The following ASB4 variants were observed in gnomAD, a reference collection of about 807,000 sequenced individuals.
ASB4 encodes the protein ankyrin repeat and SOCS box protein 4.
Under a neutral mutation model 38.6 loss-of-function variants are expected in ASB4, and 35 were observed. That is an observed-to-expected ratio of 0.91 (90% CI 0.69 to 1.20). ASB4 has a LOEUF of 1.20. Ranked by LOEUF, ASB4 falls within the 50% of genes most tolerant of loss-of-function variation. The pLI, the probability that ASB4 is intolerant of heterozygous loss-of-function variation, is 0.00. For synonymous variants in ASB4, 195 were observed against 201.3 expected, an observed-to-expected ratio of 0.97 and a Z score of 0.26; for missense variants, 557 against 527.2, an observed-to-expected ratio of 1.06 and a Z score of -0.55.
intron 2 of ASB4, among the ~76,000 whole-genome samples, chr7:95,524,917 GA>G (rs1197498243): frequency 6.6e-6 from 1 of 152,212 alleles, no homozygotes; most frequent in Non-Finnish European, 1.5e-5. Context: ...CAGTCTGTAA[GA>G]TGGGGGCCTG....
chr7:95,521,024 T>A (rs1293764598), intron 2 of ASB4, among the ~76,000 whole-genome samples: 1 of 152,164 alleles, frequency 6.6e-6, no homozygotes, highest in Non-Finnish European at 1.5e-5. Flanking sequence ...TGGGGAAAAA[T>A]GTTTGAATTG....
At chr7:95,473,886 G>A (rs1585787636), upstream of ASB4, 1 of 152,254 alleles carries the variant, frequency 6.6e-6, no homozygotes, top group East Asian at 1.9e-4. Context: ...CTCACTGGCT[G>A]TGGAGTTAGG....
At chr7:95,528,839 C>A (rs917836547) in intron 3 of ASB4, 3 of 392,618 alleles carry the variant, frequency 7.6e-6, no homozygotes, top group Non-Finnish European at 1.0e-5. Context: ...AACAATCATA[C>A]GAGGTATATA....
chr7:95,501,023 C>A (rs1790328976), intron 2 of ASB4, among the ~76,000 whole-genome samples: 1 of 152,050 alleles, frequency 6.6e-6, no homozygotes, highest in South Asian at 2.1e-4. Flanking sequence ...TAGTTTTTAT[C>A]TTTATTGATT....
intron 4 of ASB4, among the ~76,000 whole-genome samples, chr7:95,537,109 G>A (rs1311958170): frequency 2.6e-5 from 4 of 152,192 alleles, no homozygotes; most frequent in Non-Finnish European, 4.4e-5. Context: ...CACATGGAGA[G>A]GTATCAGGCA....
chr7:95,546,452 A>G, the ASB4 span, among the ~76,000 whole-genome samples: 1 of 152,004 alleles, frequency 6.6e-6, no homozygotes, highest in Non-Finnish European at 1.5e-5. Flanking sequence ...AGCAAGGTTG[A>G]CTCATTGAAC....
intron 2 of ASB4, among the ~76,000 whole-genome samples, chr7:95,515,646 C>G (rs944695797): frequency 1.3e-5 from 2 of 152,146 alleles, no homozygotes; most frequent in Admixed American, 1.3e-4. Flanking sequence ...AATCTCTTGA[C>G]CTTGTGATCC....
intron 2 of ASB4, 22 bp from the exon 3 acceptor site, chr7:95,527,791 C>T (rs777282234): frequency 9.5e-5 from 149 of 1,569,056 alleles, no homozygotes; most frequent in Non-Finnish European, 1.2e-4. Context: ...AAATAATTGT[C>T]TTCCTCAATT....
chr7:95,494,658 G>A (rs1343331362), intron 1 of ASB4, among the ~76,000 whole-genome samples: 6 of 151,846 alleles, frequency 4.0e-5, no homozygotes, highest in South Asian at 4.1e-4. Context: ...CCTATTTTCC[G>A]TTCTCCATTC....
chr7:95,527,156 G>C (rs1790747992), intron 2 of ASB4, among the ~76,000 whole-genome samples: 1 of 152,062 alleles, frequency 6.6e-6, no homozygotes, highest in Non-Finnish European at 1.5e-5. Context: ...CTTTAGGCTA[G>C]TTTGGTGACT....
chr7:95,498,210 C>A (rs1023833717), intron 2 of ASB4, among the ~76,000 whole-genome samples: 2 of 152,120 alleles, frequency 1.3e-5, no homozygotes, highest in African/African-American at 4.8e-5. Context: ...GTGGCTCACA[C>A]CTATAATATC....
At chr7:95,483,251 C>T (rs988266456), upstream of ASB4, among the ~76,000 whole-genome samples, 1 of 152,194 alleles carries the variant, frequency 6.6e-6, no homozygotes, top group South Asian at 2.1e-4. Context: ...TGCACTCTTA[C>T]TGCTGACTGC....
chr7:95,503,074 A>G (rs1185234888), intron 2 of ASB4, among the ~76,000 whole-genome samples: 1 of 152,238 alleles, frequency 6.6e-6, no homozygotes, highest in African/African-American at 2.4e-5. Context: ...ATATGTGACT[A>G]TGCATATCAA....
intron 1 of ASB4, among the ~76,000 whole-genome samples, chr7:95,489,711 A>G (rs925691112): frequency 2.0e-5 from 3 of 152,202 alleles, no homozygotes; most frequent in Non-Finnish European, 4.4e-5. Flanking sequence ...TATAAAGAAA[A>G]CATAAAGAAT....
chr7:95,478,978 C>G lies in ASB4; in HGVS notation n.157+378C>G, dbSNP rs559962885. Among the ~76,000 whole-genome samples the G allele has an allele frequency of 3.9e-5, 6 of 152,292 alleles. No individual in the cohort carries two copies. In the South Asian group the frequency reaches 1.2e-3, roughly 32 times the overall value. On this transcript the variant is annotated intron_variant and non_coding_transcript_variant, in intron 1 of 1. Coordinates refer to the ASB4 transcript ENST00000257621. Reference sequence around the variant, plus strand: ...TGAATCAGTCTGTGGACAAGGGCAGCCCATAACATGGCTGCCACAGGGAAG... The same window carrying G: ...TGAATCAGTCTGTGGACAAGGGCAGGCCATAACATGGCTGCCACAGGGAAG...
At chr7:95,501,781 A>G (rs1790341735) in intron 2 of ASB4, among the ~76,000 whole-genome samples, 1 of 152,208 alleles carries the variant, frequency 6.6e-6, no homozygotes, top group Admixed American at 6.5e-5. Context: ...GAGGGAGACT[A>G]CCTAGAGATG....
At chr7:95,530,236 G>A (rs1342005870) in intron 3 of ASB4, among the ~76,000 whole-genome samples, 6 of 151,964 alleles carry the variant, frequency 3.9e-5, no homozygotes, top group South Asian at 2.1e-4. Context: ...TGAGGCGGGC[G>A]GATTGCTTGA....
At chr7:95,476,855 C>T (rs968100599), upstream of ASB4, among the ~76,000 whole-genome samples, 6 of 152,154 alleles carry the variant, frequency 3.9e-5, no homozygotes, top group African/African-American at 1.4e-4. Context: ...CTTCTTAATA[C>T]CATTGTAGCA....
chr7:95,505,492 T>C (rs1452847553), intron 2 of ASB4, among the ~76,000 whole-genome samples: 2 of 152,208 alleles, frequency 1.3e-5, no homozygotes, highest in Non-Finnish European at 2.9e-5. Flanking sequence ...ACTAGATTAT[T>C]CCTTCTTCAG....
Sources: gnomAD v4.1 joint callset for allele counts (sites outside exome capture counted in the v4.1 genomes callset) on GRCh38, gnomAD v4.1.1 for gene constraint, MANE v1.5 for transcripts, NCBI Gene and HGNC (gene_info 2026-07-23, HGNC 2026-07-21) for gene names.